Variants in CSMD2 observed in about 807,000 individuals in gnomAD.
The protein encoded by CSMD2 is CUB and sushi domain-containing protein 2.
Under a neutral mutation model 398.5 loss-of-function variants are expected in CSMD2, and 130 were observed. The observed-to-expected ratio is 0.33, with a 90% confidence interval of 0.28 to 0.38. The LOEUF is 0.38. Ranked by LOEUF, CSMD2 falls within the 10% of genes least tolerant of loss-of-function variation. CSMD2 has a pLI of 1.00. For synonymous variants in CSMD2, 1,828 were observed against 1,908.5 expected, an observed-to-expected ratio of 0.96 and a Z score of 1.10; for missense variants, 3,829 against 4,764.9, an observed-to-expected ratio of 0.80 and a Z score of 5.78.
chr1:33,788,233 C>A (rs1049296042), intron 12 of CSMD2, among the ~76,000 whole-genome samples: 50 of 152,090 alleles, frequency 3.3e-4, no homozygotes. Flanking sequence ...CGTGGCCGGG[C>A]ATGGTGGCTC....
chr1:33,647,733 T>C (rs553246556), intron 28 of CSMD2, among the ~76,000 whole-genome samples: 3 of 152,300 alleles, frequency 2.0e-5, no homozygotes, highest in South Asian at 2.1e-4. Flanking sequence ...GGTAGAAGAA[T>C]GGTGACATCA....
chr1:33,760,743 G>A (rs1469385773), intron 13 of CSMD2, among the ~76,000 whole-genome samples: 1 of 152,100 alleles, frequency 6.6e-6, no homozygotes, highest in East Asian at 1.9e-4. Context: ...CTCAGGGAAG[G>A]TATACATTCA....
Position 33,572,616 on chromosome 1 carries a change from G to A in CSMD2, c.7652C>T (p.Ala2551Val). The A allele has an allele frequency of 6.2e-7, 1 of 1,614,036 alleles. No individual in the cohort carries two copies. The highest frequency in any genetic ancestry group is 2.2e-5 in the East Asian group (1 of 44,864). Residue 2551 changes from alanine (A) to valine (V), a missense_variant, in exon 50 of 71, where the codon GCC becomes GTC. By Grantham distance (64) the Ala-to-Val change is moderately conservative. This residue lies in a region of CSMD2 where 723 missense variants were observed against 758.6 expected (regional missense o/e 0.95). Coordinates refer to ENST00000373381, the MANE Select transcript of CSMD2 (RefSeq NM_001281956.2). ...GTAGCCTTCACTGCAGCTGTACATGGCCTTGGTTCCCACTGTGTACTCCTT... is the reference window on the plus strand; with the variant it reads ...GTAGCCTTCACTGCAGCTGTACATGACCTTGGTTCCCACTGTGTACTCCTT... ...FGKEYTVGTKAMYSCSEGYHL... is the reference protein window; with the variant it reads ...FGKEYTVGTKVMYSCSEGYHL...
At chr1:33,606,770 T>C (rs1640642522) in intron 41 of CSMD2, among the ~76,000 whole-genome samples, 1 of 152,160 alleles carries the variant, frequency 6.6e-6, no homozygotes, top group South Asian at 2.1e-4. Flanking sequence ...TGAGAGCAGC[T>C]GGGCCTCTCC....
At chr1:33,987,900 A>C (rs1646415891) in intron 3 of CSMD2, among the ~76,000 whole-genome samples, 1 of 152,102 alleles carries the variant, frequency 6.6e-6, no homozygotes. Flanking sequence ...TTTAATTCAC[A>C]CCTGCATCAT....
At chr1:34,154,593 T>A (rs185646492) in intron 1 of CSMD2, among the ~76,000 whole-genome samples, 4 of 152,204 alleles carry the variant, frequency 2.6e-5, no homozygotes, top group African/African-American at 7.2e-5. Context: ...TCAATGAGCA[T>A]GGTGAGATAT....
chr1:33,578,470 C>T (rs772019156), intron 48 of CSMD2, among the ~76,000 whole-genome samples: 30 of 151,974 alleles, frequency 2.0e-4, no homozygotes, highest in Non-Finnish European at 2.9e-4. Context: ...CCCAGCTACT[C>T]GGGAGGCTAA....
intron 1 of CSMD2, among the ~76,000 whole-genome samples, chr1:34,091,523 G>A (rs531685018): frequency 8.5e-5 from 13 of 152,240 alleles, no homozygotes; most frequent in African/African-American, 2.9e-4. Context: ...TCACCATGAT[G>A]CTGATAAATT....
chr1:33,792,276 A>G (rs2124874120), intron 11 of CSMD2, 147 bp downstream of exon 11: 3 of 652,954 alleles, frequency 4.6e-6, no homozygotes, highest in Non-Finnish European at 8.5e-6. Flanking sequence ...AGAGAGAGGT[A>G]GAAGGATTAT....
At chr1:33,569,240 G>A in intron 52 of CSMD2, 134 bp downstream of exon 52, 2 of 913,186 alleles carry the variant, frequency 2.2e-6, no homozygotes, top group Non-Finnish European at 3.1e-6. Context: ...ATGGCCAATA[G>A]TTGGTGTTTG....
intron 40 of CSMD2, among the ~76,000 whole-genome samples, chr1:33,612,903 T>C (rs1311469162): frequency 2.0e-5 from 3 of 152,210 alleles, no homozygotes; most frequent in Non-Finnish European, 2.9e-5. Flanking sequence ...TGATGACATC[T>C]TTGTATACAT....
At position 33,625,230 on chromosome 1, in the gene CSMD2, T is replaced by C. The variant is rs1642038555; in HGVS notation, c.5321A>G (p.Gln1774Arg). The C allele has an allele frequency of 6.2e-7, 1 of 1,611,362 alleles. No homozygotes were observed. The highest frequency in any genetic ancestry group is 8.5e-7 in the Non-Finnish European group (1 of 1,179,536). Residue 1774 changes from glutamine to arginine, a missense_variant, in exon 34 of 71, where the codon CAG becomes CGG. Gln to Arg is a conservative substitution (Grantham distance 43, BLOSUM62 1). Transcript: ENST00000373381. The stretch of plus-strand genomic sequence containing the variant: ...GCGGGGTTCCGGCACAGAGCTGCAC[T>C]GCGTGGCGCTGGTTCGAGGAACCGC... ...YQAVPRTSAT[Q>R]CSSVPEPRYG...
chr1:33,716,219 T>G, intron 20 of CSMD2, 67 bp downstream of exon 20: 1 of 1,324,410 alleles, frequency 7.6e-7, no homozygotes, highest in South Asian at 1.2e-5. Flanking sequence ...AACCAGAGAC[T>G]GGTAGCAGAA....
intron 14 of CSMD2, among the ~76,000 whole-genome samples, chr1:33,742,713 G>C (rs950530505): frequency 1.3e-5 from 2 of 152,084 alleles, no homozygotes; most frequent in African/African-American, 4.8e-5. Flanking sequence ...GGCCCTCAGA[G>C]GGGCTATGAG....
chr1:33,732,179 G>A (rs1379032704), intron 15 of CSMD2, among the ~76,000 whole-genome samples: 2 of 152,284 alleles, frequency 1.3e-5, no homozygotes, highest in Admixed American at 1.3e-4. Flanking sequence ...ATCCTCTCTT[G>A]AACAGGGAGA....
chr1:33,674,922 C>T (rs12755602), intron 25 of CSMD2, among the ~76,000 whole-genome samples: 22,660 of 152,142 alleles, frequency 0.15, 2,040 homozygotes, highest in Admixed American at 0.23. Flanking sequence ...AGAACAAAGA[C>T]ACAACATACC....
chr1:33,572,776 G>A (rs1440911985), intron 49 of CSMD2, 85 bp from the exon 50 acceptor site: 1 of 1,122,052 alleles, frequency 8.9e-7, no homozygotes, highest in Non-Finnish European at 1.2e-6. Flanking sequence ...CCCTCCCAAG[G>A]TCCTTTTATT....
chr1:34,028,932 C>T (rs544402297), intron 3 of CSMD2, among the ~76,000 whole-genome samples: 10 of 152,298 alleles, frequency 6.6e-5, no homozygotes, highest in Middle Eastern at 6.8e-3. Flanking sequence ...CACTCATCAC[C>T]TGACTTCACC....
chr1:33,549,255 C>T (rs1291626545), intron 56 of CSMD2, among the ~76,000 whole-genome samples: 1 of 152,154 alleles, frequency 6.6e-6, no homozygotes, highest in African/African-American at 2.4e-5. Flanking sequence ...ATGATCCTTT[C>T]CTCTGAAGGG....
Sources: gnomAD v4.1 joint callset for allele counts (sites outside exome capture counted in the v4.1 genomes callset) on GRCh38, gnomAD v4.1.1 for gene constraint, gnomAD v4.1.1 regional missense constraint, MANE v1.5 for transcripts, NCBI Gene and HGNC (gene_info 2026-07-23, HGNC 2026-07-21) for gene names.